EIF4ENIF1: variants seen among roughly 807,000 people sequenced by gnomAD.
EIF4ENIF1 encodes the protein eukaryotic translation initiation factor 4E transporter.
A neutral mutation model predicts 110.5 loss-of-function variants in EIF4ENIF1; 23 were observed. The ratio of observed to expected loss-of-function variants is 0.21; its 90% confidence interval spans 0.15 to 0.29. The LOEUF (loss-of-function observed/expected upper bound fraction) is 0.29, where lower values mean the gene tolerates loss of function less well. EIF4ENIF1 is among the 10% of genes least tolerant of loss of function. The pLI is 1.00. For synonymous variants in EIF4ENIF1, 440 were observed against 437.0 expected, an observed-to-expected ratio of 1.01 and a Z score of -0.09; for missense variants, 1,031 against 1,221.1, an observed-to-expected ratio of 0.84 and a Z score of 2.32.
chr22:31,448,081 G>C, intron 13 of EIF4ENIF1, 72 bp downstream of exon 13: 2 of 1,528,228 alleles, frequency 1.3e-6, no homozygotes, highest in South Asian at 1.1e-5. Context: ...CAACAGTTCA[G>C]CTCTCCACTC....
chr22:31,482,846 A>AC (rs1312767313), intron 2 of EIF4ENIF1, among the ~76,000 whole-genome samples: 1 of 149,866 alleles, frequency 6.7e-6, no homozygotes, highest in Non-Finnish European at 1.5e-5. Flanking sequence ...ACATGGTGAA[A>AC]CCCCATCTCT....
chr22:31,462,447 T>C (rs1459262453), intron 6 of EIF4ENIF1, among the ~76,000 whole-genome samples: 2 of 150,298 alleles, frequency 1.3e-5, no homozygotes, highest in Non-Finnish European at 3.0e-5. Flanking sequence ...ATGGTGCCAC[T>C]GCACTCCAGC....
In EIF4ENIF1 at chr22:31,463,097, G is replaced by A. The variant is rs763656855; in HGVS notation, c.622C>T (p.Arg208Cys). The change falls in exon 6 of 19, where the codon CGT becomes TGT. Residue 208 changes from arginine (R) to cysteine (C), a missense_variant. This residue lies in a region of EIF4ENIF1 where 704 missense variants were observed against 879.7 expected (regional missense o/e 0.80). Coordinates refer to ENST00000330125, the MANE Select transcript of EIF4ENIF1 (RefSeq NM_019843.4). ...FGDSKRVFGE[R>C]RRNDSYTEEE... ...TCTGTGTAAGAATCATTTCTTCTAC[G>A]CTCACCAAAGACACGCTTACTATCT... 59 of 1,613,974 alleles carry A rather than the reference G, an allele frequency of 3.7e-5. No homozygotes were observed. The highest frequency in any genetic ancestry group is 4.7e-5 in the Non-Finnish European group (55 of 1,180,006).
At position 31,448,171 on chromosome 22, in the gene EIF4ENIF1, C is replaced by G; in HGVS notation, c.1830G>C (p.Met610Ile). 6.2e-7 allele frequency: 1 copy of G among 1,614,128 alleles called. No homozygotes were observed. Among genetic ancestry groups the G allele is most frequent in the Non-Finnish European group, 8.5e-7 (1 of 1,180,006 alleles). Residue 610 changes from methionine to isoleucine, a missense_variant, in exon 13 of 19, where the codon ATG (methionine) becomes ATC (isoleucine). This residue lies in a region of EIF4ENIF1 where 704 missense variants were observed against 879.7 expected (regional missense o/e 0.80). Coordinates refer to ENST00000330125, the MANE Select transcript of EIF4ENIF1 (RefSeq NM_019843.4). ...GDPFQGMRKP[M>I]SPITAQMSQL... is the part of the protein sequence containing the mutation. The stretch of plus-strand genomic sequence containing the variant: ...GCCTGACCTGGGCTGTGATGGGGCT[C>G]ATGGGTTTGCGCATGCCTTGGAATG...
Position 31,449,477 on chromosome 22 carries a change from G to A in EIF4ENIF1, c.1639C>T (p.Leu547Phe). Residue 547 changes from leucine to phenylalanine, a missense_variant, in exon 12 of 19, where the codon CTT (leucine) becomes TTT (phenylalanine). Around this residue, in one of 3 missense-constraint regions of EIF4ENIF1, gnomAD observed 704 missense variants for 879.7 expected, o/e 0.80. Transcript: ENST00000330125. ...GTTGTAGGCTCCAAGCTCCCCATAAGGCCACTCAGAAGATTGGAAGAAGCA... is the reference window on the plus strand; with the variant it reads ...GTTGTAGGCTCCAAGCTCCCCATAAAGCCACTCAGAAGATTGGAAGAAGCA... ...RPASSNLLSG[L>F]MGSLEPTTSL... The A allele has an allele frequency of 2.5e-6, 4 of 1,614,070 alleles. No homozygotes were observed. The highest frequency in any genetic ancestry group is 3.4e-6 in the Non-Finnish European group (4 of 1,180,002).
chr22:31,477,718 C>G (rs779083087), intron 2 of EIF4ENIF1, among the ~76,000 whole-genome samples: 29 of 152,168 alleles, frequency 1.9e-4, no homozygotes, highest in African/African-American at 2.7e-4. Context: ...TGACCAAATA[C>G]AATGGCTAAA....
chr22:31,450,213 T>A, intron 11 of EIF4ENIF1, 76 bp downstream of exon 11: 10 of 1,173,970 alleles, frequency 8.5e-6, no homozygotes. Flanking sequence ...AGGCCCAAAG[T>A]TGGACCACTA....
intron 10 of EIF4ENIF1, among the ~76,000 whole-genome samples, chr22:31,452,309 T>G (rs927609273): frequency 2.6e-5 from 4 of 152,212 alleles, no homozygotes; most frequent in Non-Finnish European, 4.4e-5. Flanking sequence ...ACACCTGCTA[T>G]TCTTACTCCA....
chr22:31,444,707 T>G lies in EIF4ENIF1; in HGVS notation c.1989-17A>C. On this transcript the variant is annotated splice_polypyrimidine_tract_variant and intron_variant, in intron 14 of 18. Coordinates refer to ENST00000330125, the MANE Select transcript of EIF4ENIF1 (RefSeq NM_019843.4). ...CGCTGTTGCCTGTGAACAAACCAAT[T>G]ATCAGCATGAACCCCAATCTGCTTA... is the stretch of plus-strand genomic sequence containing the variant. The G allele has an allele frequency of 5.0e-6, 8 of 1,612,998 alleles. No homozygotes were observed. The highest frequency in any genetic ancestry group is 6.8e-6 in the Non-Finnish European group (8 of 1,179,026).
In EIF4ENIF1 at chr22:31,458,591, G is replaced by C; in HGVS notation, c.847C>G (p.Gln283Glu). The change falls in exon 7 of 19, where the codon CAG becomes GAG. Residue 283 changes from glutamine (Q) to glutamate (E), a missense_variant. Gln to Glu is a conservative substitution (Grantham distance 29). This residue lies in a region of EIF4ENIF1 where 704 missense variants were observed against 879.7 expected (regional missense o/e 0.80). Coordinates refer to ENST00000330125, the MANE Select transcript of EIF4ENIF1 (RefSeq NM_019843.4). Reference protein sequence around the residue: ...EEDEVEVILAQEPAADQEVPR... With the variant: ...EEDEVEVILAEEPAADQEVPR... ...ACTTCCTGATCAGCCGCAGGCTCCT[G>C]TGCAAGGATGACCTCCACTTCATCC... 1 of 1,613,472 alleles carries C rather than the reference G, an allele frequency of 6.2e-7. No homozygotes were observed. Among genetic ancestry groups the C allele is most frequent in the East Asian group, 2.2e-5 (1 of 44,856 alleles).
chr22:31,453,263 T>C, intron 10 of EIF4ENIF1: 1 of 297,912 alleles, frequency 3.4e-6, no homozygotes, highest in Non-Finnish European at 6.8e-6. Flanking sequence ...GATATGCAGT[T>C]GTGTCACCTT....
Position 31,441,944 on chromosome 22 carries a change from G to A in EIF4ENIF1, c.2381C>T (p.Thr794Ile), listed in dbSNP as rs760957552. The change falls in exon 17 of 19, where the codon ACC becomes ATC. Residue 794 changes from threonine to isoleucine, a missense_variant. Thr to Ile is a moderately conservative substitution (Grantham distance 89). Transcript: ENST00000330125. ...TGTTGTAGGAACTGGGGATGCCAAG[G>A]TGGGTGTTTTTCTCCCAGTTGCTTT... Reference protein sequence around the residue: ...RPKATGRKTPTLASPVPTTPF... With the variant: ...RPKATGRKTPILASPVPTTPF... The A allele has an allele frequency of 3.1e-6, 5 of 1,614,210 alleles. No homozygotes were observed. In the South Asian group the frequency reaches 5.5e-5, roughly 18 times the overall value.
At chr22:31,442,250 C>G in intron 16 of EIF4ENIF1, 132 bp from the exon 17 acceptor site, 1 of 711,468 alleles carries the variant, frequency 1.4e-6, no homozygotes, top group South Asian at 1.9e-5. Context: ...TAGAGGACTA[C>G]ACGGTAGGAA....
chr22:31,492,391 A>G (rs1169741406), upstream of EIF4ENIF1, among the ~76,000 whole-genome samples: 1 of 152,222 alleles, frequency 6.6e-6, no homozygotes, highest in Non-Finnish European at 1.5e-5. Flanking sequence ...ACCACAAGCC[A>G]TACATGATAT....
At chr22:31,467,991 T>C (rs1777043489) in intron 4 of EIF4ENIF1, among the ~76,000 whole-genome samples, 184 bp downstream of exon 4, 2 of 152,176 alleles carry the variant, frequency 1.3e-5, no homozygotes, top group Admixed American at 6.6e-5. Flanking sequence ...TCTTCTTATA[T>C]AGCTGTGACA....
intron 14 of EIF4ENIF1, among the ~76,000 whole-genome samples, chr22:31,446,404 A>G (rs1275887781): frequency 6.6e-6 from 1 of 152,000 alleles, no homozygotes; most frequent in East Asian, 1.9e-4. Flanking sequence ...ACCAGTCTGG[A>G]GCTCTCTGTT....
At chr22:31,477,651 T>C (rs944312832) in intron 2 of EIF4ENIF1, among the ~76,000 whole-genome samples, 6 of 152,224 alleles carry the variant, frequency 3.9e-5, no homozygotes, top group Non-Finnish European at 1.5e-5. Context: ...AGTAGCAAGC[T>C]AGTTACACAC....
At position 31,448,216 on chromosome 22, in the gene EIF4ENIF1, T is replaced by A; in HGVS notation, c.1785A>T (p.Pro595=). 6.2e-7 allele frequency: 1 copy of A among 1,614,192 alleles called. No homozygotes were observed. The highest frequency in any genetic ancestry group is 8.5e-7 in the Non-Finnish European group (1 of 1,180,024). The part of the protein sequence containing the change: ...IPSPIGFTPG[P]QQLLGDPFQG... ...GGAATGGATCTCCGAGTAGCTGCTG[T>A]GGTCCTGGTGTGAAACCTGTCGGGA... Residue 595 remains proline, a synonymous_variant, in exon 13 of 19, where the codon CCA becomes CCT. Transcript: ENST00000330125.
intron 17 of EIF4ENIF1, 69 bp from the exon 18 acceptor site, chr22:31,440,937 A>G: frequency 1.9e-6 from 3 of 1,579,654 alleles, no homozygotes; most frequent in Non-Finnish European, 2.6e-6. Context: ...GCTTCACTGT[A>G]CAGTTTTGCT....
Sources: gnomAD v4.1 joint callset for allele counts (sites outside exome capture counted in the v4.1 genomes callset) on GRCh38, gnomAD v4.1.1 for gene constraint, gnomAD v4.1.1 regional missense constraint, MANE v1.5 for transcripts, NCBI Gene and HGNC (gene_info 2026-07-23, HGNC 2026-07-21) for gene names.